The following REC114 variants were observed in gnomAD, a reference collection of about 807,000 sequenced individuals.
The protein encoded by REC114 is meiotic recombination protein REC114.
Under a neutral mutation model 31.3 loss-of-function variants are expected in REC114, and 27 were observed. That is an observed-to-expected ratio of 0.86 (90% CI 0.64 to 1.19). The LOEUF is 1.19. REC114 is among the 50% of genes most tolerant of loss of function. The probability of loss-of-function intolerance (pLI) is 0.00; values close to 1 mark genes in which losing one functional copy is unlikely to be tolerated. For synonymous variants in REC114, 134 were observed against 127.7 expected, an observed-to-expected ratio of 1.05 and a Z score of -0.33; for missense variants, 344 against 326.9, an observed-to-expected ratio of 1.05 and a Z score of -0.40.
At chr15:73,475,614 A>G (rs966610584) in intron 2 of REC114, among the ~76,000 whole-genome samples, 3 of 152,246 alleles carry the variant, frequency 2.0e-5, no homozygotes, top group Non-Finnish European at 4.4e-5. Flanking sequence ...TGTTTTTTAA[A>G]ATTTTTTTGA....
chr15:73,500,969 AG>A (rs1893597202), intron 2 of REC114, among the ~76,000 whole-genome samples: 1 of 152,140 alleles, frequency 6.6e-6, no homozygotes, highest in Non-Finnish European at 1.5e-5. Context: ...GTATTTAGGG[AG>A]GAGTCATCTG....
At chr15:73,492,623 T>C (rs182452631) in intron 2 of REC114, among the ~76,000 whole-genome samples, 57 of 152,298 alleles carry the variant, frequency 3.7e-4, no homozygotes, top group African/African-American at 1.3e-3. Context: ...GTCTGAAATT[T>C]TGCATTTCTA....
At chr15:73,516,530 T>A (rs897217619) in intron 2 of REC114, among the ~76,000 whole-genome samples, 1 of 152,182 alleles carries the variant, frequency 6.6e-6, no homozygotes, top group Non-Finnish European at 1.5e-5. Flanking sequence ...AGAAGTAAAT[T>A]GAGATAAGTC....
intron 1 of REC114, among the ~76,000 whole-genome samples, chr15:73,451,017 C>G (rs4023377): frequency 6.6e-6 from 1 of 152,086 alleles, no homozygotes; most frequent in Admixed American, 6.5e-5. Context: ...GTACTAAATG[C>G]CCACAAGAGA....
At chr15:73,511,072 C>T (rs942997771) in intron 2 of REC114, among the ~76,000 whole-genome samples, 7 of 151,130 alleles carry the variant, frequency 4.6e-5, no homozygotes, top group Admixed American at 4.0e-4. Flanking sequence ...CCATCTGGTC[C>T]TGGACTCTTT....
At position 73,492,950 on chromosome 15, in the gene REC114, T is replaced by G. The variant is rs371278077; in HGVS notation, c.249+19029T>G. 3.3e-5 allele frequency among the ~76,000 whole-genome samples: 5 copies of G among 152,254 alleles called. No homozygotes were observed. In the South Asian group the frequency reaches 6.2e-4, roughly 19 times the overall value. The stretch of plus-strand genomic sequence containing the variant: ...TTGCAATCTTCTGCACAATTTTCTC[T>G]TGGGTTATCTTTATGTAGTTTTTAT... On this transcript the variant is annotated intron_variant, in intron 2 of 5. Transcript: ENST00000331090.
intron 1 of REC114, among the ~76,000 whole-genome samples, chr15:73,444,937 T>A (rs1006726706): frequency 1.2e-4 from 19 of 152,194 alleles, no homozygotes; most frequent in Non-Finnish European, 4.4e-5. Flanking sequence ...CTAACCAAGC[T>A]CTTGGGTGAC....
chr15:73,488,095 G>A (rs567295257), intron 2 of REC114, among the ~76,000 whole-genome samples: 64 of 152,282 alleles, frequency 4.2e-4, no homozygotes, highest in Middle Eastern at 3.4e-3. Context: ...AGAATTCTGG[G>A]AGCAGAGACT....
At chr15:73,500,312 C>T (rs1893586083) in intron 2 of REC114, among the ~76,000 whole-genome samples, 1 of 151,538 alleles carries the variant, frequency 6.6e-6, no homozygotes, top group Non-Finnish European at 1.5e-5. Context: ...TCTTCTTCAT[C>T]CCCACTTGCT....
intron 2 of REC114, among the ~76,000 whole-genome samples, chr15:73,538,349 G>C (rs1474017117): frequency 6.6e-6 from 1 of 151,482 alleles, no homozygotes; most frequent in East Asian, 1.9e-4. Flanking sequence ...AGTGTTTTTT[G>C]ATATAGTTGG....
At chr15:73,551,714 A>G (rs541528195) in intron 4 of REC114, among the ~76,000 whole-genome samples, 10 of 152,358 alleles carry the variant, frequency 6.6e-5, no homozygotes, top group African/African-American at 2.4e-4. Context: ...ATAAAATACC[A>G]TCATTATGTG....
chr15:73,519,921 C>T (rs55636021), intron 2 of REC114, among the ~76,000 whole-genome samples: 28,625 of 151,916 alleles, frequency 0.19, 4,578 homozygotes, highest in African/African-American at 0.44. Flanking sequence ...TCTAAAGTAG[C>T]GAAACTCATA....
chr15:73,489,378 A>AT (rs983167624), intron 2 of REC114, among the ~76,000 whole-genome samples: 8 of 151,234 alleles, frequency 5.3e-5, no homozygotes, highest in Non-Finnish European at 7.4e-5. Context: ...TAATTTTTGT[A>AT]TTTTTTTAGT....
chr15:73,522,227 T>C (rs1032984056), intron 2 of REC114, among the ~76,000 whole-genome samples: 1 of 152,212 alleles, frequency 6.6e-6, no homozygotes, highest in Non-Finnish European at 1.5e-5. Flanking sequence ...ATTTCTTGCC[T>C]CTCTGCTTTC....
chr15:73,450,313 GA>G (rs542008282), intron 1 of REC114, among the ~76,000 whole-genome samples: 1,522 of 144,516 alleles, frequency 0.011, 12 homozygotes, highest in South Asian at 0.016. Context: ...CAAATGGAAA[GA>G]AAAAAAAAAG....
At chr15:73,446,636 T>G (rs545125152) in intron 1 of REC114, among the ~76,000 whole-genome samples, 8 of 148,414 alleles carry the variant, frequency 5.4e-5, no homozygotes, top group African/African-American at 2.0e-4. Context: ...CAAGACTCTG[T>G]CTCAAAAAAA....
rs772982831 is a variant in REC114, at chr15:73,559,900, C to G, written c.785C>G (p.Ala262Gly). Residue 262 changes from alanine to glycine, a missense_variant, in exon 6 of 6, where the codon GCG (alanine) becomes GGG (glycine). Ala to Gly is a moderately conservative substitution (Grantham distance 60). Coordinates refer to ENST00000331090, the MANE Select transcript of REC114 (RefSeq NM_001042367.2). ...GTAGAAAAGGAACTGAAAAAGCTGG[C>G]GGGTTTGAGAAATTAATGCTCTATA... ...EEVEKELKKL[A>G]GLRN 5 of 1,610,196 alleles carry G rather than the reference C, an allele frequency of 3.1e-6. No individual in the cohort carries two copies. The highest frequency in any genetic ancestry group is 1.3e-5 in the African/African-American group (1 of 74,584).
chr15:73,489,200 CTTT>C (rs60331328), intron 2 of REC114, among the ~76,000 whole-genome samples: 1 of 126,244 alleles, frequency 7.9e-6, no homozygotes. Flanking sequence ...CCTCCCCCAC[CTTT>C]TTTTTTTTTT....
At position 73,556,397 on chromosome 15, in the gene REC114, G is replaced by T. The variant is rs756524837; in HGVS notation, c.636+6G>T. Reference sequence around the variant, plus strand: ...CACTGACGCAGTTAGCTCAGGTAGAGCTTATTTCTGTGTTCAATTTTCTTG... The same window carrying T: ...CACTGACGCAGTTAGCTCAGGTAGATCTTATTTCTGTGTTCAATTTTCTTG... On this transcript the variant is annotated splice_donor_region_variant and intron_variant, in intron 5 of 5. Transcript: ENST00000331090. 6.2e-6 allele frequency: 10 copies of T among 1,609,242 alleles called. No homozygotes were observed. The highest frequency in any genetic ancestry group is 1.1e-5 in the South Asian group (1 of 90,318).
Sources: allele counts gnomAD v4.1 joint callset (sites outside exome capture counted in the v4.1 genomes callset), GRCh38; gene constraint gnomAD v4.1.1; transcripts MANE v1.5; gene names NCBI Gene and HGNC (gene_info 2026-07-23, HGNC 2026-07-21).